VWA2: variants seen among roughly 807,000 people sequenced by gnomAD.
VWA2 encodes von Willebrand factor A domain containing 2.
Under a neutral mutation model 70.4 loss-of-function variants are expected in VWA2, and 73 were observed. The ratio of observed to expected loss-of-function variants is 1.04; its 90% CI spans 0.86 to 1.26. The LOEUF is 1.26. Among genes scored for constraint, VWA2 ranks in the 50% most tolerant of loss-of-function variants. The pLI, the probability that VWA2 is intolerant of heterozygous loss-of-function variation, is 0.00. For synonymous variants in VWA2, 407 were observed against 423.3 expected (o/e 0.96, Z 0.47); for missense variants, 1,011 against 998.5 (o/e 1.01, Z -0.17).
chr10:114,261,360 A>G, intron 5 of VWA2, 65 bp downstream of exon 5: 1 of 1,387,808 alleles, frequency 7.2e-7, no homozygotes, highest in Non-Finnish European at 1.0e-6. Flanking sequence ...TGCTCCCTTG[A>G]AGGGTTTGGT....
chr10:114,256,884 T>C (rs1313510933), intron 4 of VWA2, among the ~76,000 whole-genome samples: 2 of 124,442 alleles, frequency 1.6e-5, no homozygotes, highest in Non-Finnish European at 3.1e-5. Flanking sequence ...CACTCCAGCC[T>C]GGGCGACAGA....
chr10:114,276,064 C>T (rs74157577), intron 6 of VWA2, among the ~76,000 whole-genome samples: 10 of 152,328 alleles, frequency 6.6e-5, no homozygotes, highest in African/African-American at 2.4e-4. Context: ...TCAGTGTCTG[C>T]GCTTGTCCCC....
intron 3 of VWA2, 100 bp downstream of exon 3, chr10:114,253,825 C>G: frequency 1.7e-6 from 2 of 1,145,458 alleles, no homozygotes; most frequent in South Asian, 2.8e-5. Flanking sequence ...CTGCCCCTTT[C>G]CCATCTTCCT....
intron 4 of VWA2, among the ~76,000 whole-genome samples, chr10:114,258,649 A>G (rs2037380636): frequency 6.6e-6 from 1 of 152,178 alleles, no homozygotes; most frequent in Non-Finnish European, 1.5e-5. Flanking sequence ...TTTTTCAACT[A>G]AGTAATTCAT....
At chr10:114,245,654 T>A (rs2037052969) in intron 1 of VWA2, among the ~76,000 whole-genome samples, 1 of 152,226 alleles carries the variant, frequency 6.6e-6, no homozygotes, top group Non-Finnish European at 1.5e-5. Flanking sequence ...CTTGCTGGCA[T>A]GCACAGGGCT....
chr10:114,294,178 C>CATT lies in VWA2; in HGVS notation c.*2942_*2944dup, dbSNP rs1002167591. On this transcript the variant is annotated 3_prime_UTR_variant, in exon 14 of 14. Coordinates refer to ENST00000392982, the MANE Select transcript of VWA2 (RefSeq NM_001272046.2). ...ATTCTATAAACCCTGCTGAATTTTT[C>CATT]ATTTGCCAACATCTTATTTCAGATT... 2.6e-5 allele frequency among the ~76,000 whole-genome samples: 4 copies of CATT among 152,136 alleles called. No individual in the cohort carries two copies. The highest frequency in any genetic ancestry group is 5.9e-5 in the Non-Finnish European group (4 of 68,002).
At chr10:114,284,136 A>G (rs1054625595) in intron 9 of VWA2, among the ~76,000 whole-genome samples, 1 of 152,244 alleles carries the variant, frequency 6.6e-6, no homozygotes, top group African/African-American at 2.4e-5. Context: ...ATCATAGATC[A>G]GACGCTTCAG....
intron 5 of VWA2, among the ~76,000 whole-genome samples, chr10:114,271,076 G>A (rs777817357): frequency 6.6e-6 from 1 of 152,038 alleles, no homozygotes; most frequent in Non-Finnish European, 1.5e-5. Flanking sequence ...TTGTATCCTT[G>A]CATTCCTTTT....
chr10:114,249,907 C>A (rs112972520), intron 2 of VWA2, among the ~76,000 whole-genome samples: 1 of 152,176 alleles, frequency 6.6e-6, no homozygotes, highest in African/African-American at 2.4e-5. Context: ...GTCCCCTCTA[C>A]GCCCTCTGCA....
At chr10:114,266,086 G>A (rs1228319885) in intron 5 of VWA2, among the ~76,000 whole-genome samples, 2 of 152,014 alleles carry the variant, frequency 1.3e-5, no homozygotes, top group African/African-American at 2.4e-5. Flanking sequence ...TCACGAGGTC[G>A]GGATATCGAG....
intron 1 of VWA2, among the ~76,000 whole-genome samples, chr10:114,247,848 G>A (rs561466030): frequency 1.3e-5 from 2 of 152,214 alleles, no homozygotes; most frequent in East Asian, 3.9e-4. Flanking sequence ...CCAGGATGAG[G>A]ATGAGGGCCC....
intron 1 of VWA2, among the ~76,000 whole-genome samples, chr10:114,248,314 A>C (rs1055133962): frequency 2.4e-4 from 36 of 152,146 alleles, no homozygotes; most frequent in African/African-American, 8.7e-4. Flanking sequence ...ACTCCTCATG[A>C]AGAAATGGAG....
chr10:114,262,808 A>C (rs1469765708), intron 5 of VWA2, among the ~76,000 whole-genome samples: 3 of 152,096 alleles, frequency 2.0e-5, no homozygotes, highest in African/African-American at 7.2e-5. Flanking sequence ...TACAAAAGGA[A>C]AGAGCTCATT....
chr10:114,273,675 G>T (rs906073082), intron 6 of VWA2, among the ~76,000 whole-genome samples: 10 of 152,174 alleles, frequency 6.6e-5, no homozygotes, highest in African/African-American at 2.2e-4. Flanking sequence ...CACTGTGTTT[G>T]CACACAGAAA....
intron 5 of VWA2, among the ~76,000 whole-genome samples, chr10:114,272,408 G>T (rs900565570): frequency 2.6e-5 from 4 of 152,188 alleles, no homozygotes; most frequent in Non-Finnish European, 5.9e-5. Flanking sequence ...GATGATGCAG[G>T]GATGAGGAGA....
At chr10:114,243,448 G>A (rs762942617) in intron 1 of VWA2, among the ~76,000 whole-genome samples, 1 of 152,146 alleles carries the variant, frequency 6.6e-6, no homozygotes, top group African/African-American at 2.4e-5. Context: ...TTTACCAAAG[G>A]TTACAAGGAA....
At chr10:114,252,204 T>C (rs2037211084) in intron 2 of VWA2, among the ~76,000 whole-genome samples, 2 of 152,356 alleles carry the variant, frequency 1.3e-5, no homozygotes, top group African/African-American at 2.4e-5. Context: ...TCTTTCTTTC[T>C]AGTCTAAGTC....
At chr10:114,246,360 G>A in intron 1 of VWA2, 1 of 588,272 alleles carries the variant, frequency 1.7e-6, no homozygotes, top group Non-Finnish European at 3.0e-6. Context: ...AATTAGCTGG[G>A]CGTGGTGGCG....
chr10:114,264,460 C>T (rs1365093113), intron 5 of VWA2, among the ~76,000 whole-genome samples: 4 of 152,100 alleles, frequency 2.6e-5, no homozygotes, highest in African/African-American at 9.6e-5. Context: ...CTCTGTTGCC[C>T]AGGCTGGAGT....
Sources: gnomAD v4.1 joint callset for allele counts (sites outside exome capture counted in the v4.1 genomes callset) on GRCh38, gnomAD v4.1.1 for gene constraint, MANE v1.5 for transcripts, NCBI Gene and HGNC (gene_info 2026-07-23, HGNC 2026-07-21) for gene names.